ITSN2: variants seen among roughly 807,000 people sequenced by gnomAD.
The protein encoded by ITSN2 is intersectin 2.
A neutral mutation model predicts 243.7 loss-of-function variants in ITSN2; 156 were observed. The observed-to-expected ratio is 0.64, with a 90% CI of 0.56 to 0.73. ITSN2 has a LOEUF of 0.73. ITSN2 is among the 30% of genes least tolerant of loss of function. The pLI, the probability that ITSN2 is intolerant of heterozygous loss-of-function variation, is 0.00. For missense variants in ITSN2, 1,801 were observed against 1,996.1 expected, an observed-to-expected ratio of 0.90 and a Z score of 1.86; for synonymous variants, 703 against 699.9, an observed-to-expected ratio of 1.00 and a Z score of -0.07.
chr2:24,250,509 G>A (rs989080455), intron 25 of ITSN2, among the ~76,000 whole-genome samples: 2 of 152,208 alleles, frequency 1.3e-5, no homozygotes, highest in African/African-American at 4.8e-5. Flanking sequence ...GTAATGAAAT[G>A]TGTCCACACA....
At chr2:24,264,057 A>G (rs1169929478) in intron 20 of ITSN2, among the ~76,000 whole-genome samples, 1 of 152,232 alleles carries the variant, frequency 6.6e-6, no homozygotes, top group Non-Finnish European at 1.5e-5. Flanking sequence ...AAAGAGTTAC[A>G]GAATCATTAC....
intron 35 of ITSN2, 32 bp downstream of exon 35, chr2:24,209,786 C>G: frequency 1.3e-6 from 2 of 1,564,650 alleles, no homozygotes; most frequent in Non-Finnish European, 1.8e-6. Context: ...TCATTAGGCC[C>G]CTGATGCTAC....
At chr2:24,239,172 C>T (rs1672475631) in intron 29 of ITSN2, 1 of 152,366 alleles carries the variant, frequency 6.6e-6, no homozygotes, top group South Asian at 2.1e-4. Flanking sequence ...CCACTTTAGG[C>T]AAAAGTCTTT....
intron 20 of ITSN2, 21 bp downstream of exon 20, chr2:24,270,648 TAA>T: frequency 1.8e-6 from 2 of 1,133,792 alleles, no homozygotes; most frequent in Non-Finnish European, 2.6e-6. Context: ...TATTCATGAT[TAA>T]AAAAAAAATT....
chr2:24,256,081 G>A (rs556281802), intron 23 of ITSN2, among the ~76,000 whole-genome samples: 6 of 152,062 alleles, frequency 3.9e-5, no homozygotes, highest in Admixed American at 6.6e-5. Context: ...AAAATTAGCC[G>A]GGCATGGTGG....
intron 29 of ITSN2, among the ~76,000 whole-genome samples, chr2:24,233,475 T>A (rs1671825714): frequency 6.6e-6 from 1 of 152,226 alleles, no homozygotes; most frequent in Admixed American, 6.5e-5. Flanking sequence ...TGCAATTAAC[T>A]GATGACTGTT....
At chr2:24,213,163 C>T (rs1669657330) in intron 32 of ITSN2, among the ~76,000 whole-genome samples, 1 of 152,150 alleles carries the variant, frequency 6.6e-6, no homozygotes, top group South Asian at 2.1e-4. Context: ...CACACTTGAC[C>T]CTCAAGACTC....
intron 29 of ITSN2, among the ~76,000 whole-genome samples, chr2:24,224,636 C>CTT (rs148181209): frequency 2.1e-5 from 3 of 144,940 alleles, no homozygotes; most frequent in Non-Finnish European, 3.1e-5. Context: ...GGCTCTTCAA[C>CTT]TTTTTTTTTT....
At chr2:24,236,190 TG>T (rs1161264583) in intron 29 of ITSN2, among the ~76,000 whole-genome samples, 1 of 152,218 alleles carries the variant, frequency 6.6e-6, no homozygotes, top group Non-Finnish European at 1.5e-5. Context: ...TACAGCTACA[TG>T]CTACTACATG....
At chr2:24,341,957 A>T (rs1458919825) in intron 1 of ITSN2, among the ~76,000 whole-genome samples, 1 of 152,230 alleles carries the variant, frequency 6.6e-6, no homozygotes, top group Non-Finnish European at 1.5e-5. Context: ...AGACAAAAAA[A>T]AGAAATAAAG....
Position 24,315,221 on chromosome 2 carries a change from C to G in ITSN2, c.35G>C (p.Gly12Ala). ...MAQFPTAMNG[G>A]PNMWAITSEE... is the part of the protein sequence containing the mutation. Reference sequence around the variant, plus strand: ...AGAGGTAATAGCCCACATGTTTGGCCCTCCTGAAACATAAGTGGAAGAAAC... The same window carrying G: ...AGAGGTAATAGCCCACATGTTTGGCGCTCCTGAAACATAAGTGGAAGAAAC... The change falls in exon 3 of 40, where the codon GGG becomes GCG. Residue 12 changes from glycine (G) to alanine (A), a missense_variant. Around this residue, in one of 5 missense-constraint regions of ITSN2, gnomAD observed 77 missense variants for 90.1 expected, o/e 0.85. Coordinates refer to ENST00000355123, the MANE Select transcript of ITSN2 (RefSeq NM_006277.3). 6.3e-7 allele frequency: 1 copy of G among 1,598,196 alleles called. No individual in the cohort carries two copies. Among genetic ancestry groups the G allele is most frequent in the East Asian group, 2.2e-5 (1 of 44,722 alleles).
At position 24,220,708 on chromosome 2, in the gene ITSN2, C is replaced by T; in HGVS notation, c.3699+237G>A. Reference sequence around the variant, plus strand: ...TGCCCTCTTGTTCTCCCGCTTCACTCTGAGTGACCTCATCTGGGGGAAAGA... The same window carrying T: ...TGCCCTCTTGTTCTCCCGCTTCACTTTGAGTGACCTCATCTGGGGGAAAGA... On this transcript the variant is annotated intron_variant, in intron 30 of 39. Transcript: ENST00000355123. The T allele has an allele frequency of 3.0e-6, 4 of 1,323,692 alleles. No individual in the cohort carries two copies. In the South Asian group the frequency reaches 9.1e-5, roughly 30 times the overall value. 82.0% of individuals were successfully genotyped at this position (1,323,692 alleles called of 1,614,324 possible). A position where few individuals can be genotyped will look rare whatever the true frequency, so the allele number is the denominator to read the frequency against.
At chr2:24,243,777 G>A (rs1673013897) in intron 29 of ITSN2, among the ~76,000 whole-genome samples, 1 of 152,160 alleles carries the variant, frequency 6.6e-6, no homozygotes, top group Non-Finnish European at 1.5e-5. Flanking sequence ...GGGAGGGCTT[G>A]CATTACAATT....
intron 21 of ITSN2, 51 bp from the exon 22 acceptor site, chr2:24,261,301 T>C (rs1303158288): frequency 7.4e-7 from 1 of 1,343,702 alleles, no homozygotes; most frequent in East Asian, 2.3e-5. Flanking sequence ...TAGAACTTAA[T>C]GAAGTACTAC....
intron 20 of ITSN2, among the ~76,000 whole-genome samples, chr2:24,266,018 G>T (rs1676617490): frequency 6.6e-6 from 1 of 152,106 alleles, no homozygotes; most frequent in Admixed American, 6.6e-5. Context: ...CTCCTCTAGG[G>T]TATCTTTCAG....
At chr2:24,206,659 G>A (rs1668921840) in intron 37 of ITSN2, among the ~76,000 whole-genome samples, 1 of 152,166 alleles carries the variant, frequency 6.6e-6, no homozygotes, top group Non-Finnish European at 1.5e-5. Flanking sequence ...GACATCACCG[G>A]TGCAACAAAT....
intron 23 of ITSN2, among the ~76,000 whole-genome samples, chr2:24,255,292 G>A (rs1253718769): frequency 6.6e-6 from 1 of 152,200 alleles, no homozygotes. Flanking sequence ...GCATACAAAT[G>A]CCAGCTATAT....
At chr2:24,358,188 C>T (rs572467645) in intron 1 of ITSN2, among the ~76,000 whole-genome samples, 2 of 152,328 alleles carry the variant, frequency 1.3e-5, no homozygotes, top group African/African-American at 4.8e-5. Context: ...GGATTACAGG[C>T]ATGAGCCAGG....
intron 20 of ITSN2, among the ~76,000 whole-genome samples, chr2:24,267,423 G>A (rs576648520): frequency 3.3e-5 from 5 of 150,030 alleles, no homozygotes; most frequent in East Asian, 2.0e-4. Flanking sequence ...AGGAATCACC[G>A]TAAGCTATGA....
Sources: allele counts gnomAD v4.1 joint callset (sites outside exome capture counted in the v4.1 genomes callset), GRCh38; gene constraint gnomAD v4.1.1; regional missense constraint gnomAD v4.1.1; transcripts MANE v1.5; gene names NCBI Gene and HGNC (gene_info 2026-07-23, HGNC 2026-07-21).